DNAJC3: variants seen among roughly 807,000 people sequenced by gnomAD.
DNAJC3 encodes the protein DnaJ heat shock protein family (Hsp40) member C3.
Under a neutral mutation model 68.6 loss-of-function variants are expected in DNAJC3, and 38 were observed. The observed-to-expected ratio is 0.55, with a 90% CI of 0.43 to 0.73. The LOEUF is 0.73. Ranked by LOEUF, DNAJC3 falls within the 30% of genes least tolerant of loss-of-function variation. The pLI is 0.00. For synonymous variants in DNAJC3, 203 were observed against 204.0 expected, an observed-to-expected ratio of 1.00 and a Z score of 0.04; for missense variants, 526 against 591.9, an observed-to-expected ratio of 0.89 and a Z score of 1.16.
At chr13:95,685,830 A>T (rs1266736219) in intron 1 of DNAJC3, among the ~76,000 whole-genome samples, 1 of 151,338 alleles carries the variant, frequency 6.6e-6, no homozygotes, top group Non-Finnish European at 1.5e-5. Flanking sequence ...AGCCACTCAG[A>T]CTTGTGTAAG....
In DNAJC3 at chr13:95,794,780, A is replaced by ATGTT. The variant is rs1383945245; in HGVS notation, c.*3754_*3757dup. The stretch of plus-strand genomic sequence containing the variant: ...AGCAAGGAGGAGGTAAACATTGGAG[A>ATGTT]TGTTTGTGAAAATATTACTCTTGCT... On this transcript the variant is annotated 3_prime_UTR_variant, in exon 12 of 12. Coordinates refer to ENST00000602402, the MANE Select transcript of DNAJC3 (RefSeq NM_006260.5). 6.6e-6 allele frequency: 1 copy of ATGTT among 152,184 alleles called. No homozygotes were observed. The highest frequency in any genetic ancestry group is 1.9e-4 in the East Asian group (1 of 5,192). The allele number at this position is 152,184 out of a possible 1,614,324, so 9.4% of individuals were successfully genotyped here. A position where few individuals can be genotyped will look rare whatever the true frequency, so the allele number is the denominator to read the frequency against.
intron 1 of DNAJC3, among the ~76,000 whole-genome samples, chr13:95,679,382 T>G (rs1879856934): frequency 6.6e-6 from 1 of 152,058 alleles, no homozygotes; most frequent in Non-Finnish European, 1.5e-5. Context: ...ATTTTGCGTT[T>G]CTAGAAAGAC....
chr13:95,713,127 C>G (rs1177080975), intron 2 of DNAJC3, among the ~76,000 whole-genome samples: 1 of 152,134 alleles, frequency 6.6e-6, no homozygotes, highest in Non-Finnish European at 1.5e-5. Context: ...TCAATTAAGC[C>G]TCTTTCCTTT....
chr13:95,733,380 T>C (rs1372085886), intron 4 of DNAJC3, among the ~76,000 whole-genome samples: 2 of 152,142 alleles, frequency 1.3e-5, no homozygotes, highest in Non-Finnish European at 2.9e-5. Flanking sequence ...TTTATTATTA[T>C]ATAATGACTT....
chr13:95,688,408 G>T (rs973771339), intron 1 of DNAJC3, among the ~76,000 whole-genome samples: 4 of 152,062 alleles, frequency 2.6e-5, no homozygotes, highest in African/African-American at 9.7e-5. Flanking sequence ...TTGGCTGTGG[G>T]TTTGTTATAG....
intron 9 of DNAJC3, among the ~76,000 whole-genome samples, chr13:95,764,802 T>A (rs73554952): frequency 0.014 from 2,130 of 148,280 alleles, 59 homozygotes; most frequent in African/African-American, 0.05. Flanking sequence ...TGTGACACTA[T>A]GTTATGAACA....
At chr13:95,749,893 C>CA (rs1388806227) in intron 4 of DNAJC3, among the ~76,000 whole-genome samples, 5 of 152,074 alleles carry the variant, frequency 3.3e-5, no homozygotes, top group African/African-American at 4.8e-5. Context: ...ACTAAAAATA[C>CA]AAAAAAATTA....
chr13:95,787,613 T>C (rs928508483), intron 11 of DNAJC3, among the ~76,000 whole-genome samples: 1 of 152,010 alleles, frequency 6.6e-6, no homozygotes, highest in African/African-American at 2.4e-5. Flanking sequence ...CCCATATGTG[T>C]TCACCAGGAA....
intron 4 of DNAJC3, among the ~76,000 whole-genome samples, chr13:95,752,297 T>C (rs1882504088): frequency 6.6e-6 from 1 of 152,224 alleles, no homozygotes; most frequent in Non-Finnish European, 1.5e-5. Context: ...AATAACTTAA[T>C]GAAAAGTTAC....
At chr13:95,732,563 C>T (rs1305862945) in intron 4 of DNAJC3, among the ~76,000 whole-genome samples, 2 of 93,066 alleles carry the variant, frequency 2.1e-5, no homozygotes, top group African/African-American at 1.3e-4. Context: ...GGCCTTTTCT[C>T]GTTTTTTTCT....
intron 9 of DNAJC3, among the ~76,000 whole-genome samples, chr13:95,771,583 G>A (rs775249620): frequency 5.9e-5 from 9 of 152,090 alleles, no homozygotes; most frequent in Non-Finnish European, 7.3e-5. Context: ...GTGGGGAGGG[G>A]TTTCCCTAAA....
chr13:95,761,656 G>T (rs565597997), intron 7 of DNAJC3, among the ~76,000 whole-genome samples: 2 of 152,112 alleles, frequency 1.3e-5, no homozygotes, highest in African/African-American at 4.8e-5. Context: ...CTTCCCTCTT[G>T]TTCCTATCCC....
chr13:95,719,416 A>G (rs1484080637), intron 2 of DNAJC3, among the ~76,000 whole-genome samples: 1 of 152,176 alleles, frequency 6.6e-6, no homozygotes, highest in African/African-American at 2.4e-5. Context: ...GATGTATTAT[A>G]TCGTTGGCTA....
intron 10 of DNAJC3, among the ~76,000 whole-genome samples, chr13:95,786,546 G>A (rs1883608613): frequency 6.6e-6 from 1 of 152,178 alleles, no homozygotes; most frequent in Non-Finnish European, 1.5e-5. Context: ...CTGAAATTAA[G>A]TAAATGATAT....
chr13:95,717,138 G>T (rs1372869117), intron 2 of DNAJC3, among the ~76,000 whole-genome samples: 1 of 152,170 alleles, frequency 6.6e-6, no homozygotes, highest in Non-Finnish European at 1.5e-5. Context: ...TTTACAGAGG[G>T]TCTTAGGTAT....
intron 7 of DNAJC3, among the ~76,000 whole-genome samples, chr13:95,761,968 C>T (rs1882838614): frequency 6.6e-6 from 1 of 152,082 alleles, no homozygotes; most frequent in Non-Finnish European, 1.5e-5. Flanking sequence ...ATCAATAATT[C>T]CTCCTTGTTT....
rs200747765 is a variant in DNAJC3, at chr13:95,785,902, T to C, written c.1076-37T>C. ...ATAAGAAAAGGCAATAAATTATAAT[T>C]TGCCTTAACAATATTATCTTAAACA... On this transcript the variant is annotated intron_variant, in intron 9 of 11. Coordinates refer to ENST00000602402, the MANE Select transcript of DNAJC3 (RefSeq NM_006260.5). 2.6e-4 allele frequency: 395 copies of C among 1,522,452 alleles called. 6 individuals carry two copies. In the African/African-American group the frequency reaches 4.6e-3, roughly 18 times the overall value. 94.3% of individuals were successfully genotyped at this position (1,522,452 alleles called of 1,614,324 possible).
intron 1 of DNAJC3, among the ~76,000 whole-genome samples, chr13:95,678,204 A>G (rs1227678912): frequency 1.3e-5 from 2 of 152,186 alleles, no homozygotes; most frequent in African/African-American, 4.8e-5. Flanking sequence ...TGTGCGAAAT[A>G]TTCGAGTGTA....
intron 4 of DNAJC3, among the ~76,000 whole-genome samples, chr13:95,756,258 T>G (rs1489710994): frequency 6.6e-6 from 1 of 152,120 alleles, no homozygotes; most frequent in Admixed American, 6.6e-5. Flanking sequence ...TCCGAAGTAT[T>G]CAAGACCACC....
Sources: gnomAD v4.1 joint callset for allele counts (sites outside exome capture counted in the v4.1 genomes callset) on GRCh38, gnomAD v4.1.1 for gene constraint, MANE v1.5 for transcripts, NCBI Gene and HGNC (gene_info 2026-07-23, HGNC 2026-07-21) for gene names.